DNAH14: variants seen among roughly 807,000 people sequenced by gnomAD.
DNAH14 encodes dynein axonemal heavy chain 14, also known as axonemal beta dynein heavy chain 14.
Under a neutral mutation model 520.9 loss-of-function variants are expected in DNAH14, and 478 were observed. That is an observed-to-expected ratio of 0.92 (90% CI 0.85 to 0.99). DNAH14 has a LOEUF of 0.99. Among genes scored for constraint, DNAH14 ranks in the 50% least tolerant of loss-of-function variants. The pLI is 0.00. For synonymous variants in DNAH14, 1,581 were observed against 1,757.2 expected (o/e 0.90, Z 2.51); for missense variants, 4,831 against 5,234.5 (o/e 0.92, Z 2.38).
intron 84 of DNAH14, among the ~76,000 whole-genome samples, chr1:225,394,216 T>C (rs2095969989): frequency 6.6e-6 from 1 of 152,242 alleles, no homozygotes; most frequent in African/African-American, 2.4e-5. Flanking sequence ...GATTTCCTCT[T>C]TTGTGAAGAT....
chr1:225,223,469 A>G lies in DNAH14; in HGVS notation c.6440-7604A>G, dbSNP rs116157887. Among the ~76,000 whole-genome samples the G allele has an allele frequency of 5.0e-3, 762 of 152,272 alleles. 6 individuals carry two copies. The highest frequency in any genetic ancestry group is 0.017 in the African/African-American group (719 of 41,544). On this transcript the variant is annotated intron_variant, in intron 41 of 85. Transcript: ENST00000682510. Reference sequence around the variant, plus strand: ...CAAAGAGCCCATGAATTAGTTGAGGAGTAATTAAAAGTCGGCCATATAGAA... The same window carrying G: ...CAAAGAGCCCATGAATTAGTTGAGGGGTAATTAAAAGTCGGCCATATAGAA...
intron 78 of DNAH14, among the ~76,000 whole-genome samples, chr1:225,375,134 A>G (rs1053123943): frequency 8.5e-5 from 13 of 152,160 alleles, no homozygotes; most frequent in Admixed American, 2.0e-4. Context: ...GCAAAGCACA[A>G]GGAAGCTAAC....
chr1:225,289,999 G>T lies in DNAH14; in HGVS notation c.8386G>T (p.Glu2796Ter), dbSNP rs996730349. The T allele has an allele frequency of 7.1e-6, 11 of 1,541,380 alleles. No homozygotes were observed. The African/African-American group carries it at 1.4e-4, about 19-fold the overall frequency. The change falls in exon 55 of 86, where the codon GAA (glutamate) becomes TAA (stop). Residue 2796 changes from glutamate to a stop codon, truncating the protein, a stop_gained. Transcript: ENST00000682510. LOFTEE classifies it high-confidence loss of function. ...SHKCAYIEFK[E>*]VFKKVFIHAG... ...CAAATGTGCCTACATCGAATTCAAA[G>T]AAGTCTTTAAAAAGGTGTTTATTCA...
At chr1:225,054,211 G>C (rs1052442865) in intron 17 of DNAH14, among the ~76,000 whole-genome samples, 1 of 152,130 alleles carries the variant, frequency 6.6e-6, no homozygotes, top group African/African-American at 2.4e-5. Flanking sequence ...AATAAAAGGC[G>C]TAGAAATATA....
intron 21 of DNAH14, among the ~76,000 whole-genome samples, chr1:225,094,855 G>GTTAAT (rs1238772068): frequency 8.7e-4 from 129 of 148,806 alleles, no homozygotes; most frequent in African/African-American, 3.1e-3. Flanking sequence ...TAAAAAGTGG[G>GTTAAT]TAAAGGACAC....
At position 225,207,025 on chromosome 1, in the gene DNAH14, A is replaced by G. The variant is rs2087665057; in HGVS notation, c.6244A>G (p.Lys2082Glu). 6.5e-7 allele frequency: 1 copy of G among 1,546,474 alleles called. No individual in the cohort carries two copies. The highest frequency in any genetic ancestry group is 1.2e-5 in the South Asian group (1 of 82,826). ...YVKSWLLKTS[K>E]IISQSGVDCL... ...TAAGTCATGGCTTCTGAAAACTTCT[A>G]AAATTATAAGTCAATCAGGAGTGGA... Residue 2082 changes from lysine (K) to glutamate (E), a missense_variant, in exon 41 of 86, where the codon AAA (lysine) becomes GAA (glutamate). Coordinates refer to ENST00000682510, the MANE Select transcript of DNAH14 (RefSeq NM_001367479.1).
chr1:225,100,680 A>C, intron 22 of DNAH14, 33 bp from the exon 23 acceptor site: 1 of 1,458,444 alleles, frequency 6.9e-7, no homozygotes, highest in Non-Finnish European at 9.0e-7. Flanking sequence ...TGCCTTAAAA[A>C]AAATAAAATG....
intron 17 of DNAH14, among the ~76,000 whole-genome samples, chr1:225,062,421 A>G (rs574299835): frequency 2.6e-5 from 4 of 152,286 alleles, no homozygotes; most frequent in Admixed American, 2.6e-4. Flanking sequence ...AACAAGTGAG[A>G]GAGAGGATTT....
chr1:225,000,289 C>T (rs1416839293), intron 8 of DNAH14, among the ~76,000 whole-genome samples: 5 of 152,068 alleles, frequency 3.3e-5, no homozygotes, highest in African/African-American at 9.7e-5. Context: ...TGTTTTTCCT[C>T]TTGCTGATTT....
intron 77 of DNAH14, among the ~76,000 whole-genome samples, chr1:225,368,443 A>G (rs1172000674): frequency 6.6e-6 from 1 of 152,232 alleles, no homozygotes; most frequent in Admixed American, 6.5e-5. Flanking sequence ...GTTTGTTGGT[A>G]CGACTTATTC....
At chr1:225,006,661 G>C (rs2064195805) in intron 9 of DNAH14, among the ~76,000 whole-genome samples, 1 of 152,178 alleles carries the variant, frequency 6.6e-6, no homozygotes, top group Non-Finnish European at 1.5e-5. Flanking sequence ...CTCAAACCCT[G>C]TTTCCTCTTA....
At chr1:225,212,746 C>T (rs576396794) in intron 41 of DNAH14, among the ~76,000 whole-genome samples, 28 of 151,696 alleles carry the variant, frequency 1.8e-4, no homozygotes, top group East Asian at 1.4e-3. Flanking sequence ...CACTTTTTGA[C>T]GGGGCTGTTT....
intron 22 of DNAH14, 54 bp from the exon 23 acceptor site, chr1:225,100,659 T>TGCC: frequency 1.5e-6 from 2 of 1,356,416 alleles, no homozygotes; most frequent in Non-Finnish European, 2.0e-6. Flanking sequence ...CATTATAGAT[T>TGCC]TTAATCATAG....
At chr1:225,267,881 A>G (rs2093176402) in intron 49 of DNAH14, among the ~76,000 whole-genome samples, 1 of 151,950 alleles carries the variant, frequency 6.6e-6, no homozygotes, top group Non-Finnish European at 1.5e-5. Flanking sequence ...GGAAGAATCC[A>G]GGTATGGCCC....
At chr1:225,126,334 G>A (rs539851139) in intron 27 of DNAH14, among the ~76,000 whole-genome samples, 1 of 152,244 alleles carries the variant, frequency 6.6e-6, no homozygotes, top group South Asian at 2.1e-4. Flanking sequence ...AATCCATCTG[G>A]TCCTGGACTC....
At chr1:225,265,088 T>C (rs2093064235) in intron 47 of DNAH14, 94 bp from the exon 48 acceptor site, 1 of 844,642 alleles carries the variant, frequency 1.2e-6, no homozygotes, top group East Asian at 3.1e-5. Context: ...AGTAAAATTA[T>C]GTAATTTTCA....
At chr1:225,246,000 A>G (rs1165546776) in intron 43 of DNAH14, among the ~76,000 whole-genome samples, 1 of 151,878 alleles carries the variant, frequency 6.6e-6, no homozygotes, top group Non-Finnish European at 1.5e-5. Context: ...TAACCAAAAC[A>G]GCATGATACT....
At chr1:225,173,155 C>T (rs1382623214) in intron 36 of DNAH14, among the ~76,000 whole-genome samples, 4 of 152,088 alleles carry the variant, frequency 2.6e-5, no homozygotes, top group Non-Finnish European at 4.4e-5. Context: ...CCATAAAAAC[C>T]CTAGAAGAAA....
At chr1:225,018,489 C>T (rs370492715) in intron 10 of DNAH14, among the ~76,000 whole-genome samples, 8 of 152,274 alleles carry the variant, frequency 5.3e-5, no homozygotes, top group East Asian at 3.9e-4. Context: ...TAGTCCATGA[C>T]AATTTTGAAA....
Sources: allele counts gnomAD v4.1 joint callset (sites outside exome capture counted in the v4.1 genomes callset), GRCh38; gene constraint gnomAD v4.1.1; transcripts MANE v1.5; gene names NCBI Gene and HGNC (gene_info 2026-07-23, HGNC 2026-07-21).